XDH: variants seen among roughly 807,000 people sequenced by gnomAD.
XDH encodes the protein xanthine dehydrogenase.
XDH carries 138 observed loss-of-function variants against 156.1 expected under a neutral mutation model. The ratio of observed to expected loss-of-function variants is 0.88; its 90% CI spans 0.77 to 1.02. The LOEUF (loss-of-function observed/expected upper bound fraction) is 1.02. Ranked by LOEUF, XDH falls within the 50% of genes least tolerant of loss-of-function variation. The pLI, the probability that XDH is intolerant of heterozygous loss-of-function variation, is 0.00. For synonymous variants in XDH, 669 were observed against 625.7 expected, an observed-to-expected ratio of 1.07 and a Z score of -1.03; for missense variants, 1,849 against 1,684.9, an observed-to-expected ratio of 1.10 and a Z score of -1.71.
chr2:31,374,075 G>T (rs1027367419), intron 15 of XDH, 119 bp from the exon 16 acceptor site: 1 of 1,012,388 alleles, frequency 9.9e-7, no homozygotes, highest in Non-Finnish European at 1.5e-6. Flanking sequence ...CACTTCATAC[G>T]CCTTTGAGTG....
chr2:31,408,840 T>C (rs552665926), intron 1 of XDH, among the ~76,000 whole-genome samples: 1 of 152,310 alleles, frequency 6.6e-6, no homozygotes, highest in African/African-American at 2.4e-5. Context: ...CACTCCTATG[T>C]TTTTTGCAGC....
chr2:31,350,340 T>C, intron 24 of XDH, 117 bp from the exon 25 acceptor site: 1 of 992,764 alleles, frequency 1.0e-6, no homozygotes. Context: ...ACCCAAGTTA[T>C]TTCTCCCCCA....
chr2:31,403,617 G>A (rs1687120353), intron 2 of XDH, among the ~76,000 whole-genome samples: 2 of 152,038 alleles, frequency 1.3e-5, no homozygotes, highest in Non-Finnish European at 2.9e-5. Flanking sequence ...GAACTTTTTG[G>A]GCTGATAAGT....
intron 6 of XDH, among the ~76,000 whole-genome samples, chr2:31,396,803 C>A (rs186615941): frequency 8.3e-4 from 126 of 152,306 alleles, no homozygotes; most frequent in Non-Finnish European, 8.8e-4. Context: ...TCATCAGCAG[C>A]AGCATTAATC....
chr2:31,387,790 T>C (rs933030803), intron 8 of XDH, 21 bp downstream of exon 8: 1 of 1,566,052 alleles, frequency 6.4e-7, no homozygotes, highest in African/African-American at 1.3e-5. Flanking sequence ...CGGCTGGATC[T>C]GTCCCTGAGG....
In XDH at chr2:31,338,714, C is replaced by CTTTTTTTTTT. The variant is rs57389753; in HGVS notation, c.3774+765_3774+774dup. On this transcript the variant is annotated intron_variant, in intron 34 of 35. Coordinates refer to ENST00000379416, the MANE Select transcript of XDH (RefSeq NM_000379.4). ...CAATCCTCCAGGCATCTGACCAAGT[C>CTTTTTTTTTT]TTTTTTTTTTTTTTTTTTTTTTTTT... Among the ~76,000 whole-genome samples the CTTTTTTTTTT allele has an allele frequency of 6.4e-5, 4 of 62,150 alleles. 1 individual carries two copies. Among genetic ancestry groups the CTTTTTTTTTT allele is most frequent in the African/African-American group, 2.1e-4 (3 of 14,054 alleles). The allele number at this position is 62,150 out of a possible 152,430, so 40.8% of individuals were successfully genotyped here.
intron 16 of XDH, 134 bp from the exon 17 acceptor site, chr2:31,372,531 G>A (rs1238322722): frequency 2.1e-5 from 25 of 1,180,936 alleles, no homozygotes; most frequent in Admixed American, 1.2e-4. Context: ...TCAGAGGGGC[G>A]TGGGGCAAAG....
At chr2:31,368,990 G>A (rs781737449) in intron 18 of XDH, among the ~76,000 whole-genome samples, 6 of 152,262 alleles carry the variant, frequency 3.9e-5, no homozygotes, top group South Asian at 2.1e-4. Context: ...TTGTCAATTC[G>A]GATTCACTCC....
At chr2:31,395,995 C>T (rs926877374) in intron 6 of XDH, among the ~76,000 whole-genome samples, 1 of 152,172 alleles carries the variant, frequency 6.6e-6, no homozygotes, top group Non-Finnish European at 1.5e-5. Context: ...CTCTAGTTGA[C>T]CCTCCACACG....
intron 7 of XDH, 116 bp from the exon 8 acceptor site, chr2:31,388,013 G>A: frequency 8.0e-7 from 1 of 1,253,768 alleles, no homozygotes; most frequent in South Asian, 1.3e-5. Flanking sequence ...CAGGCTGCAA[G>A]AGGAGCAGGT....
intron 24 of XDH, among the ~76,000 whole-genome samples, chr2:31,353,644 A>C (rs1685548485): frequency 6.6e-6 from 1 of 152,220 alleles, no homozygotes; most frequent in Non-Finnish European, 1.5e-5. Flanking sequence ...ACAGAGACCA[A>C]AAAGCTCACT....
intron 32 of XDH, among the ~76,000 whole-genome samples, chr2:31,341,842 T>G (rs1171177853): frequency 6.6e-6 from 1 of 152,172 alleles, no homozygotes; most frequent in Non-Finnish European, 1.5e-5. Context: ...AAAAGAAGAA[T>G]ATTTTGTGAC....
Position 31,342,300 on chromosome 2 carries a change from G to T in XDH, c.3405-3C>A. The stretch of plus-strand genomic sequence containing the variant: ...AGCTGTAGCCCAGATTGGGTGTTCT[G>T]GGAGAGGAAAGAGAAGGTACTGCAC... On this transcript the variant is annotated splice_polypyrimidine_tract_variant and splice_region_variant and intron_variant, in intron 31 of 35. Coordinates refer to ENST00000379416, the MANE Select transcript of XDH (RefSeq NM_000379.4). The T allele has an allele frequency of 6.2e-7, 1 of 1,612,844 alleles. No individual in the cohort carries two copies. The highest frequency in any genetic ancestry group is 1.1e-5 in the South Asian group (1 of 91,036).
intron 30 of XDH, 123 bp downstream of exon 30, chr2:31,346,646 C>G: frequency 8.3e-7 from 1 of 1,197,664 alleles, no homozygotes; most frequent in Non-Finnish European, 1.2e-6. Flanking sequence ...CAAACCACCT[C>G]AACTTCTCTC....
At position 31,397,742 on chromosome 2, in the gene XDH, G is replaced by GA. The variant is rs747562658; in HGVS notation, c.434-14dup. ...CGGCACAGATTTCCTGTGGGCCAAGGAAAAAACTGCAATGTCAGTGCAGGG... is the reference window on the plus strand; with the variant it reads ...CGGCACAGATTTCCTGTGGGCCAAGGAAAAAAACTGCAATGTCAGTGCAGGG... On this transcript the variant is annotated splice_polypyrimidine_tract_variant and intron_variant, in intron 5 of 35. Coordinates refer to ENST00000379416, the MANE Select transcript of XDH (RefSeq NM_000379.4). 26 of 1,614,026 alleles carry GA rather than the reference G, an allele frequency of 1.6e-5. No individual in the cohort carries two copies. The highest frequency in any genetic ancestry group is 2.1e-5 in the Non-Finnish European group (25 of 1,180,018).
At chr2:31,368,913 T>C (rs1222558016) in intron 18 of XDH, among the ~76,000 whole-genome samples, 1 of 152,102 alleles carries the variant, frequency 6.6e-6, no homozygotes, top group Non-Finnish European at 1.5e-5. Context: ...CTGAACCAGA[T>C]AGAATGTGGC....
intron 13 of XDH, 24 bp downstream of exon 13, chr2:31,379,843 C>G (rs765533605): frequency 6.2e-7 from 1 of 1,610,932 alleles, no homozygotes; most frequent in East Asian, 2.2e-5. Context: ...TGAGCAGAGC[C>G]TGGAACCACT....
intron 18 of XDH, 45 bp downstream of exon 18, chr2:31,370,310 C>T (rs781592184): frequency 6.2e-7 from 1 of 1,606,066 alleles, no homozygotes; most frequent in Non-Finnish European, 8.5e-7. Flanking sequence ...ATTAAAACTT[C>T]AATACTTATT....
intron 32 of XDH, 134 bp downstream of exon 32, chr2:31,342,049 G>A (rs991143762): frequency 1.3e-6 from 1 of 791,826 alleles, no homozygotes; most frequent in East Asian, 2.7e-5. Flanking sequence ...GCCCTTTATA[G>A]GATGTTTGCC....
Sources: gnomAD v4.1 joint callset for allele counts (sites outside exome capture counted in the v4.1 genomes callset) on GRCh38, gnomAD v4.1.1 for gene constraint, MANE v1.5 for transcripts, NCBI Gene and HGNC (gene_info 2026-07-23, HGNC 2026-07-21) for gene names.